The following NFAT5 variants were observed in gnomAD, a reference collection of about 807,000 sequenced individuals.
The protein encoded by NFAT5 is nuclear factor of activated T cells 5, also known as nuclear factor of activated T-cells 5.
In NFAT5, 31 loss-of-function variants were observed where a neutral mutation model predicts 166.5. The ratio of observed to expected loss-of-function variants is 0.19; its 90% CI spans 0.14 to 0.25. NFAT5 has a LOEUF of 0.25. NFAT5 is among the 10% of genes least tolerant of loss of function. The pLI is 1.00. For synonymous variants in NFAT5, 612 were observed against 639.7 expected, an observed-to-expected ratio of 0.96 and a Z score of 0.65; for missense variants, 1,449 against 1,821.8, an observed-to-expected ratio of 0.80 and a Z score of 3.72.
At chr16:69,586,445 C>T (rs1177667110) in intron 2 of NFAT5, among the ~76,000 whole-genome samples, 1 of 152,100 alleles carries the variant, frequency 6.6e-6, no homozygotes, top group Non-Finnish European at 1.5e-5. Context: ...CTCTGTCACC[C>T]AGGCTGGAAT....
In NFAT5 at chr16:69,566,176, A is replaced by AGGCAGC; in HGVS notation, c.-119_-114dup. On this transcript the variant is annotated 5_prime_UTR_variant, in exon 1 of 15. Transcript: ENST00000349945. The surrounding 1 kb of genome is among the most constrained non-coding windows in gnomAD (Gnocchi z 5.7). ...GTGGAAGTCACTACCCTCGAGGAGG[A>AGGCAGC]GGCAGCGGCAGCCGCCCTCGCGTCG... is the stretch of plus-strand genomic sequence containing the variant. 1.4e-6 allele frequency: 1 copy of AGGCAGC among 708,504 alleles called. No individual in the cohort carries two copies. Among genetic ancestry groups the AGGCAGC allele is most frequent in the Non-Finnish European group, 2.3e-6 (1 of 429,476 alleles). The allele number at this position is 708,504 out of a possible 1,614,324, so 43.9% of individuals were successfully genotyped here.
rs2037522955 is a variant in NFAT5, at chr16:69,690,969, A to G, written c.1804A>G (p.Lys602Glu). The change falls in exon 12 of 15, where the codon AAG becomes GAG. Residue 602 changes from lysine (K) to glutamate (E), a missense_variant. By Grantham distance (56) the Lys-to-Glu change is moderately conservative. Coordinates refer to ENST00000349945, the MANE Select transcript of NFAT5 (RefSeq NM_138713.4). ...AMKTTGCNLDKVNIIPNALMT... is the reference protein window; with the variant it reads ...AMKTTGCNLDEVNIIPNALMT... ...GAAAACTACTGGATGTAATTTAGAT[A>G]AGGTAAATATTATCCCTAATGCCCT... 3 of 1,590,596 alleles carry G rather than the reference A, an allele frequency of 1.9e-6. No individual in the cohort carries two copies. Among genetic ancestry groups the G allele is most frequent in the Middle Eastern group, 1.7e-4 (1 of 5,976 alleles).
intron 10 of NFAT5, among the ~76,000 whole-genome samples, chr16:69,680,529 T>C (rs1485754186): frequency 6.6e-6 from 1 of 152,250 alleles, no homozygotes; most frequent in Non-Finnish European, 1.5e-5. Context: ...AAGGCTATAC[T>C]AATTGCCTAA....
intron 2 of NFAT5, among the ~76,000 whole-genome samples, chr16:69,575,481 T>C (rs575440461): frequency 2.0e-5 from 3 of 152,208 alleles, no homozygotes; most frequent in Non-Finnish European, 2.9e-5. Flanking sequence ...TATGCTTATC[T>C]TTATAAAATT....
chr16:69,664,222 A>G (rs1047947058), intron 7 of NFAT5, among the ~76,000 whole-genome samples: 1 of 152,190 alleles, frequency 6.6e-6, no homozygotes, highest in South Asian at 2.1e-4. Flanking sequence ...TATTCTCTTG[A>G]CAGGTTGAAA....
intron 3 of NFAT5, among the ~76,000 whole-genome samples, chr16:69,640,724 G>A (rs59248202): frequency 0.019 from 2,841 of 152,328 alleles, 93 homozygotes; most frequent in African/African-American, 0.065. Flanking sequence ...GTTCACGCCT[G>A]TAATCCCAGC....
At chr16:69,610,093 A>T (rs1032382604) in intron 2 of NFAT5, among the ~76,000 whole-genome samples, 1 of 152,196 alleles carries the variant, frequency 6.6e-6, no homozygotes, top group Non-Finnish European at 1.5e-5. Flanking sequence ...GCGTATAAAT[A>T]GAAAAAAAGA....
rs1262908335 is a variant in NFAT5, at chr16:69,702,531, T to G, written c.*6180T>G. On this transcript the variant is annotated 3_prime_UTR_variant, in exon 15 of 15. Transcript: ENST00000349945. ...ATATGTAGTATGTGCAACCAGTGGT[T>G]CTCAGAGTATGGTTCTCAGCCCACC... The G allele has an allele frequency of 6.6e-6, 1 of 152,230 alleles. No homozygotes were observed. Among genetic ancestry groups the G allele is most frequent in the African/African-American group, 2.4e-5 (1 of 41,458 alleles). The allele number at this position is 152,230 out of a possible 1,614,324, so 9.4% of individuals were successfully genotyped here. A position where few individuals can be genotyped will look rare whatever the true frequency, so the allele number is the denominator to read the frequency against.
intron 7 of NFAT5, among the ~76,000 whole-genome samples, chr16:69,666,605 A>T (rs1158791580): frequency 6.6e-6 from 1 of 152,222 alleles, no homozygotes; most frequent in Non-Finnish European, 1.5e-5. Context: ...AGAAATACAA[A>T]TCAAAACCAC....
At chr16:69,662,750 G>A (rs1489864369) in intron 7 of NFAT5, among the ~76,000 whole-genome samples, 2 of 151,960 alleles carry the variant, frequency 1.3e-5, no homozygotes, top group East Asian at 1.9e-4. Flanking sequence ...GTGAGCCACT[G>A]CGCCCGGCCG....
rs1295150478 is a variant in NFAT5 at position 69,695,352 on chromosome 16, A to G, written c.4631A>G (p.Asn1544Ser). 1 of 1,613,962 alleles carries G rather than the reference A, an allele frequency of 6.2e-7. No individual in the cohort carries two copies. Among genetic ancestry groups the G allele is most frequent in the Admixed American group, 1.7e-5 (1 of 60,020 alleles). Residue 1544 changes from asparagine (N) to serine (S), a missense_variant, in exon 14 of 15, where the codon AAC (asparagine) becomes AGC (serine). Asn to Ser is a conservative substitution (Grantham distance 46). Transcript: ENST00000349945. ...LLVSLQNQGN[N>S]LTGSF is the part of the protein sequence containing the mutation. ...GTTTCATTGCAAAACCAAGGGAACA[A>G]CTTGACTGGCTCCTTTTAACTGGAT...
intron 3 of NFAT5, among the ~76,000 whole-genome samples, chr16:69,635,974 T>C (rs1289564809): frequency 6.6e-6 from 1 of 152,124 alleles, no homozygotes; most frequent in East Asian, 1.9e-4. Context: ...CAAAGTCTCA[T>C]CTGAGACAAG....
chr16:69,684,095 G>A lies in NFAT5; in HGVS notation c.1691-792G>A, dbSNP rs138028916. 5.3e-3 allele frequency among the ~76,000 whole-genome samples: 802 copies of A among 151,226 alleles called. 10 individuals are homozygous for A. The highest frequency in any genetic ancestry group is 0.018 in the African/African-American group (749 of 41,210). On this transcript the variant is annotated intron_variant, in intron 10 of 14. Transcript: ENST00000349945. ...GCCTGGGTAACAAGAGCGAAACTCC[G>A]TCTCAAATAAATAAATAGCCTGGCA...
At chr16:69,606,935 A>G (rs1446206707) in intron 2 of NFAT5, among the ~76,000 whole-genome samples, 1 of 152,240 alleles carries the variant, frequency 6.6e-6, no homozygotes, top group African/African-American at 2.4e-5. Flanking sequence ...GGTATTCATC[A>G]GATTGCCTTT....
intron 2 of NFAT5, among the ~76,000 whole-genome samples, chr16:69,572,068 TG>T (rs1428267484): frequency 6.6e-6 from 1 of 152,180 alleles, no homozygotes; most frequent in African/African-American, 2.4e-5. Context: ...GGCCTGCGCT[TG>T]GGTATTATTA....
In NFAT5 at chr16:69,692,816, T is replaced by A. The variant is rs2037602415; in HGVS notation, c.2991T>A (p.Thr997=). ...CACAGCAGGTTGCAACCCCTGGCAC[T>A]ACCATGTTTCAGACATCAAGTTCAG... is the stretch of plus-strand genomic sequence containing the variant. ...TTTQQVATPG[T]TMFQTSSSGD... The change falls in exon 13 of 15, where the codon ACT becomes ACA. Residue 997 remains threonine (T), a synonymous_variant. Transcript: ENST00000349945. 3 of 1,614,216 alleles carry A rather than the reference T, an allele frequency of 1.9e-6. No individual in the cohort carries two copies. Among genetic ancestry groups the A allele is most frequent in the Non-Finnish European group, 8.5e-7 (1 of 1,180,028 alleles).
At chr16:69,585,793 G>A (rs2032019994) in intron 2 of NFAT5, among the ~76,000 whole-genome samples, 1 of 152,148 alleles carries the variant, frequency 6.6e-6, no homozygotes, top group South Asian at 2.1e-4. Context: ...ACTTAAAATA[G>A]GCAGAGAAAG....
In NFAT5 at chr16:69,698,225, T is replaced by G. The variant is rs1226981912; in HGVS notation, c.*1874T>G. 1 of 152,528 alleles carries G rather than the reference T, an allele frequency of 6.6e-6. No individual in the cohort carries two copies. The highest frequency in any genetic ancestry group is 1.5e-5 in the Non-Finnish European group (1 of 68,022). 9.4% of individuals were successfully genotyped at this position (152,528 alleles called of 1,614,324 possible). ...GAACTTTTCAGAAAGAGACCTACTC[T>G]GGGTCATTTAATTTTGAATACAGTT... is the stretch of plus-strand genomic sequence containing the variant. On this transcript the variant is annotated 3_prime_UTR_variant, in exon 15 of 15. Coordinates refer to ENST00000349945, the MANE Select transcript of NFAT5 (RefSeq NM_138713.4).
rs1336490676 is a variant in NFAT5, at chr16:69,704,140, C to G, written c.*7789C>G. On this transcript the variant is annotated 3_prime_UTR_variant, in exon 15 of 15. Transcript: ENST00000349945. ...TGACTTGAGTAGTTACAGACTGATT[C>G]CAGTGAACTTGATCTAATTTCTTTT... is the stretch of plus-strand genomic sequence containing the variant. 6.6e-6 allele frequency: 1 copy of G among 152,562 alleles called. No individual in the cohort carries two copies. Among genetic ancestry groups the G allele is most frequent in the Non-Finnish European group, 1.5e-5 (1 of 68,020 alleles). 9.5% of individuals were successfully genotyped at this position (152,562 alleles called of 1,614,324 possible).
Sources: allele counts gnomAD v4.1 joint callset (sites outside exome capture counted in the v4.1 genomes callset), GRCh38; gene constraint gnomAD v4.1.1; non-coding constraint Gnocchi (gnomAD v3.1); transcripts MANE v1.5; gene names NCBI Gene and HGNC (gene_info 2026-07-23, HGNC 2026-07-21).